OTUD7A: variants seen among roughly 807,000 people sequenced by gnomAD.
The protein encoded by OTUD7A is OTU deubiquitinase 7A.
In OTUD7A, 12 loss-of-function variants were observed where a neutral mutation model predicts 65.7. The observed-to-expected ratio is 0.18, with a 90% CI of 0.12 to 0.30. The LOEUF (loss-of-function observed/expected upper bound fraction) is 0.30. Among genes scored for constraint, OTUD7A ranks in the 10% least tolerant of loss-of-function variants. OTUD7A has a pLI of 1.00. For synonymous variants in OTUD7A, 641 were observed against 586.3 expected (o/e 1.09, Z -1.35); for missense variants, 1,148 against 1,304.8 (o/e 0.88, Z 1.85).
At chr15:31,710,159 C>T (rs1299336440) in intron 1 of OTUD7A, among the ~76,000 whole-genome samples, 12 of 149,968 alleles carry the variant, frequency 8.0e-5, no homozygotes, top group African/African-American at 9.8e-5. Context: ...GTGATAGGAT[C>T]CTAATTGTCA....
chr15:31,638,378 CTTTTTT>C (rs34239466), intron 3 of OTUD7A, among the ~76,000 whole-genome samples: 2 of 134,576 alleles, frequency 1.5e-5, no homozygotes, highest in Non-Finnish European at 1.6e-5. Context: ...ATAAAGATAA[CTTTTTT>C]TTTTTTTTTT....
intron 1 of OTUD7A, among the ~76,000 whole-genome samples, chr15:31,763,322 T>C (rs930232592): frequency 5.9e-5 from 9 of 151,588 alleles, no homozygotes; most frequent in Non-Finnish European, 1.3e-4. Flanking sequence ...AAGACAGAAG[T>C]CTCAGTAAAG....
intron 9 of OTUD7A, among the ~76,000 whole-genome samples, chr15:31,503,169 A>G (rs1216098390): frequency 6.6e-6 from 1 of 152,202 alleles, no homozygotes; most frequent in African/African-American, 2.4e-5. Flanking sequence ...GGAACATTCT[A>G]GAAGGGGCTG....
chr15:31,846,364 A>G (rs1595810907), intron 1 of OTUD7A, among the ~76,000 whole-genome samples: 1 of 152,308 alleles, frequency 6.6e-6, no homozygotes, highest in East Asian at 1.9e-4. Flanking sequence ...GATTACATAT[A>G]AACTCTTTGG....
intron 3 of OTUD7A, among the ~76,000 whole-genome samples, chr15:31,611,307 G>T (rs1890413343): frequency 6.6e-6 from 1 of 152,146 alleles, no homozygotes; most frequent in Non-Finnish European, 1.5e-5. Flanking sequence ...ACCAAGATCA[G>T]AGCAGAACTA....
intron 1 of OTUD7A, among the ~76,000 whole-genome samples, chr15:31,718,665 T>C (rs1459760449): frequency 1.4e-5 from 2 of 139,368 alleles, no homozygotes; most frequent in African/African-American, 5.0e-5. Flanking sequence ...ACTTATTGGC[T>C]GGATAATTCC....
chr15:31,712,951 T>G (rs531301514), intron 1 of OTUD7A, among the ~76,000 whole-genome samples: 1 of 152,204 alleles, frequency 6.6e-6, no homozygotes, highest in East Asian at 1.9e-4. Context: ...GCTCATTCCT[T>G]CCTAACTGGG....
Position 31,476,206 on chromosome 15 carries a change from C to T in OTUD7A, c.*7088G>A, listed in dbSNP as rs532962242. On this transcript the variant is annotated 3_prime_UTR_variant, in exon 13 of 13. Coordinates refer to ENST00000307050, the MANE Select transcript of OTUD7A (RefSeq NM_001382637.1). ...GGGGCCCAGGGAAGACAAGCTCCTA[C>T]TGAACGGTGACTGGCTCTGTCAGAG... is the stretch of plus-strand genomic sequence containing the variant. The T allele has an allele frequency of 6.6e-6, 1 of 152,392 alleles. No individual in the cohort carries two copies. Among genetic ancestry groups the T allele is most frequent in the South Asian group, 2.1e-4 (1 of 4,826 alleles). 9.4% of individuals were successfully genotyped at this position (152,392 alleles called of 1,614,324 possible).
At chr15:31,525,757 T>C (rs17228380) in intron 8 of OTUD7A, among the ~76,000 whole-genome samples, 29,820 of 152,286 alleles carry the variant, frequency 0.2, 3,443 homozygotes, top group East Asian at 0.37. Context: ...CTTCATTCCA[T>C]ACTAGAACAT....
chr15:31,485,625 C>A (rs1019513141), intron 12 of OTUD7A, among the ~76,000 whole-genome samples: 2 of 152,124 alleles, frequency 1.3e-5, no homozygotes, highest in Admixed American at 6.5e-5. Flanking sequence ...TACTACTACT[C>A]TGTAGGGACC....
intron 10 of OTUD7A, among the ~76,000 whole-genome samples, chr15:31,501,392 T>C (rs1431091088): frequency 6.6e-6 from 1 of 152,218 alleles, no homozygotes; most frequent in Admixed American, 6.5e-5. Context: ...CTAAGACTAA[T>C]TGCATTCCTA....
intron 1 of OTUD7A, among the ~76,000 whole-genome samples, chr15:31,673,765 C>T (rs1455323576): frequency 6.6e-6 from 1 of 152,150 alleles, no homozygotes; most frequent in Non-Finnish European, 1.5e-5. Context: ...GAAAAGACAG[C>T]CTAATGGGTC....
In OTUD7A at chr15:31,703,514, C is replaced by T. The variant is rs1893260212; in HGVS notation, c.-99-46437G>A. Among the ~76,000 whole-genome samples the T allele has an allele frequency of 3.3e-5, 5 of 151,920 alleles. No homozygotes were observed. The South Asian group carries it at 1.0e-3, about 32-fold the overall frequency. On this transcript the variant is annotated intron_variant, in intron 1 of 12. Coordinates refer to ENST00000307050, the MANE Select transcript of OTUD7A (RefSeq NM_001382637.1). ...GCCATCAAGGAAATGCAAATTAAAA[C>T]ACAATGAGTTATCATTACACATCTA...
intron 4 of OTUD7A, among the ~76,000 whole-genome samples, chr15:31,564,200 C>T (rs1251259206): frequency 6.6e-6 from 1 of 152,068 alleles, no homozygotes; most frequent in East Asian, 1.9e-4. Context: ...TCTTAGAAGA[C>T]ATGAGAACAA....
chr15:31,529,822 G>C (rs16956846), intron 6 of OTUD7A, among the ~76,000 whole-genome samples: 5,770 of 152,292 alleles, frequency 0.038, 206 homozygotes, highest in African/African-American at 0.091. Flanking sequence ...TGTTGGGGAT[G>C]CAAGTTTGAC....
intron 1 of OTUD7A, among the ~76,000 whole-genome samples, chr15:31,663,886 A>G (rs567727835): frequency 1.3e-5 from 2 of 152,120 alleles, no homozygotes; most frequent in Admixed American, 1.3e-4. Flanking sequence ...TTGCGTCCTC[A>G]TAGCTTAGCT....
intron 1 of OTUD7A, among the ~76,000 whole-genome samples, chr15:31,681,587 A>C (rs1176182368): frequency 6.7e-6 from 1 of 149,902 alleles, no homozygotes; most frequent in Non-Finnish European, 1.5e-5. Context: ...GTCTGTCTAT[A>C]TATCCCCCTC....
At chr15:31,749,037 G>T (rs1273689985) in intron 1 of OTUD7A, among the ~76,000 whole-genome samples, 2 of 147,740 alleles carry the variant, frequency 1.4e-5, no homozygotes, top group Non-Finnish European at 3.0e-5. Context: ...CTATCGCAAG[G>T]ACAAAAAACC....
intron 1 of OTUD7A, among the ~76,000 whole-genome samples, chr15:31,834,036 T>G (rs1896997228): frequency 6.6e-6 from 1 of 152,202 alleles, no homozygotes; most frequent in South Asian, 2.1e-4. Flanking sequence ...TCCTATGATG[T>G]TTTTTCTAAC....
Sources: gnomAD v4.1 joint callset for allele counts (sites outside exome capture counted in the v4.1 genomes callset) on GRCh38, gnomAD v4.1.1 for gene constraint, MANE v1.5 for transcripts, NCBI Gene and HGNC (gene_info 2026-07-23, HGNC 2026-07-21) for gene names.